The following AP3S2 variants were observed in gnomAD, a reference collection of about 807,000 sequenced individuals.
AP3S2 encodes the protein adaptor related protein complex 3 subunit sigma 2.
Under a neutral mutation model 23.4 loss-of-function variants are expected in AP3S2, and 22 were observed. The ratio of observed to expected loss-of-function variants is 0.94; its 90% confidence interval spans 0.67 to 1.34. The LOEUF is 1.34. AP3S2 is among the 40% of genes most tolerant of loss of function. The probability of loss-of-function intolerance (pLI) is 0.00; values close to 1 mark genes in which losing one functional copy is unlikely to be tolerated. For missense variants in AP3S2, 241 were observed against 236.9 expected (o/e 1.02, Z -0.11); for synonymous variants, 86 against 87.1 (o/e 0.99, Z 0.07).
At chr15:89,861,622 G>C (rs1208626137) in intron 4 of AP3S2, among the ~76,000 whole-genome samples, 1 of 152,110 alleles carries the variant, frequency 6.6e-6, no homozygotes, top group African/African-American at 2.4e-5. Context: ...TATGAAATCA[G>C]ACCTTACTCC....
At position 89,893,863 on chromosome 15, in the gene AP3S2, A is replaced by G. The variant is rs1418947706; in HGVS notation, c.69+18T>C. On this transcript the variant is annotated intron_variant, in intron 1 of 5. Coordinates refer to ENST00000336418, the MANE Select transcript of AP3S2 (RefSeq NM_005829.5). The stretch of plus-strand genomic sequence containing the variant: ...GTGGGCGCCCTGAAGGGGCGTGGTG[A>G]AGCCGGGCCGCACTCACGAAACGCT... The G allele has an allele frequency of 3.2e-6, 5 of 1,551,582 alleles. No homozygotes were observed. Among genetic ancestry groups the G allele is most frequent in the Non-Finnish European group, 3.5e-6 (4 of 1,146,958 alleles).
chr15:89,882,969 C>T (rs921635649), intron 3 of AP3S2, among the ~76,000 whole-genome samples: 1 of 152,164 alleles, frequency 6.6e-6, no homozygotes, highest in Non-Finnish European at 1.5e-5. Context: ...GGACTACTGT[C>T]ATCTTTGCTT....
intron 4 of AP3S2, among the ~76,000 whole-genome samples, chr15:89,858,702 T>C (rs1895927068): frequency 6.6e-6 from 1 of 152,212 alleles, no homozygotes; most frequent in East Asian, 1.9e-4. Context: ...TACAATTCGT[T>C]TTATCTGCAA....
chr15:89,877,540 T>A (rs544079329), intron 3 of AP3S2: 23 of 586,970 alleles, frequency 3.9e-5, no homozygotes, highest in South Asian at 3.5e-4. Flanking sequence ...TCCATGTTCA[T>A]ATCTCTATTT....
chr15:89,885,996 T>C (rs1291572880), intron 3 of AP3S2, among the ~76,000 whole-genome samples: 1 of 151,876 alleles, frequency 6.6e-6, no homozygotes, highest in Non-Finnish European at 1.5e-5. Flanking sequence ...ATTTTACTTA[T>C]CTGATCTTAC....
intron 3 of AP3S2, among the ~76,000 whole-genome samples, chr15:89,886,970 A>G (rs943975156): frequency 5.3e-5 from 8 of 151,930 alleles, no homozygotes; most frequent in African/African-American, 1.5e-4. Context: ...AATTTTTTGT[A>G]TTTTTAGTAG....
rs368179950 is a variant in AP3S2, at chr15:89,833,702, C to T, written c.*1813G>A. 13 of 152,376 alleles carry T rather than the reference C, an allele frequency of 8.5e-5. 1 individual carries two copies. The highest frequency in any genetic ancestry group is 3.1e-4 in the African/African-American group (13 of 41,590). 9.4% of individuals were successfully genotyped at this position (152,376 alleles called of 1,614,324 possible). On this transcript the variant is annotated 3_prime_UTR_variant, in exon 6 of 6. Transcript: ENST00000336418. ...AGGGGTTTTGATATCTATTCACCTA[C>T]ACTTCCCTCTTCCACAGGAAGCGGC...
intron 3 of AP3S2, among the ~76,000 whole-genome samples, chr15:89,884,638 G>A (rs535891321): frequency 3.1e-4 from 46 of 150,584 alleles, no homozygotes; most frequent in Middle Eastern, 3.5e-3. Flanking sequence ...AATATTTGAC[G>A]AACATCTTCC....
chr15:89,888,462 C>T, intron 3 of AP3S2, 59 bp downstream of exon 3: 6 of 1,558,050 alleles, frequency 3.9e-6, no homozygotes, highest in Non-Finnish European at 5.3e-6. Context: ...AGGCTGGTTA[C>T]TCAAAAATCC....
chr15:89,868,987 G>C (rs1896244285), intron 4 of AP3S2, among the ~76,000 whole-genome samples: 1 of 148,992 alleles, frequency 6.7e-6, no homozygotes, highest in Non-Finnish European at 1.5e-5. Context: ...CCCCGTCCGG[G>C]AGGTGAGGGG....
At chr15:89,849,926 T>C (rs577965031) in intron 4 of AP3S2, among the ~76,000 whole-genome samples, 14 of 152,082 alleles carry the variant, frequency 9.2e-5, no homozygotes, top group Non-Finnish European at 1.5e-4. Context: ...AAACATGTCG[T>C]GTTTGGTTTT....
chr15:89,884,900 G>A (rs1041515967), intron 3 of AP3S2, among the ~76,000 whole-genome samples: 2 of 151,950 alleles, frequency 1.3e-5, no homozygotes, highest in African/African-American at 2.4e-5. Context: ...CTCCTGCCTC[G>A]GCCCCCAAAG....
Position 89,888,557 on chromosome 15 carries a change from G to A in AP3S2, c.237C>T (p.Ser79=), listed in dbSNP as rs759706901. 1.2e-6 allele frequency: 2 copies of A among 1,614,066 alleles called. No homozygotes were observed. The highest frequency in any genetic ancestry group is 2.2e-5 in the East Asian group (1 of 44,904). ...CCAAGATTCCAAGTTCACTCTCTGA[G>A]GAATCCACACAAAATACAAAGTAGA... ...ATLYFVFCVD[S]SESELGILDL... The change falls in exon 3 of 6, where the codon TCC becomes TCT. Residue 79 remains serine (S), a synonymous_variant. Coordinates refer to ENST00000336418, the MANE Select transcript of AP3S2 (RefSeq NM_005829.5).
rs558835687 is a variant in AP3S2 at position 89,834,033 on chromosome 15, T to G, written c.*1482A>C. The G allele has an allele frequency of 2.0e-5, 3 of 152,394 alleles. No homozygotes were observed. The East Asian group carries it at 5.8e-4, about 29-fold the overall frequency. 9.4% of individuals were successfully genotyped at this position (152,394 alleles called of 1,614,324 possible). A position where few individuals can be genotyped will look rare whatever the true frequency, so the allele number is the denominator to read the frequency against. ...CTGAGATCTAGCCCATGCGACAGTATGGAAGCAGGAGGCCCTACTCCACCA... is the reference window on the plus strand; with the variant it reads ...CTGAGATCTAGCCCATGCGACAGTAGGGAAGCAGGAGGCCCTACTCCACCA... On this transcript the variant is annotated 3_prime_UTR_variant, in exon 6 of 6. Transcript: ENST00000336418.
intron 4 of AP3S2, among the ~76,000 whole-genome samples, chr15:89,844,249 TTCTTTC>T: frequency 2.0e-5 from 1 of 50,228 alleles, no homozygotes; most frequent in South Asian, 7.6e-4. Flanking sequence ...CTTTCTTTCT[TTCTTTC>T]TTTCTTTCTT....
At chr15:89,852,820 C>T (rs1895691342) in intron 4 of AP3S2, among the ~76,000 whole-genome samples, 2 of 152,208 alleles carry the variant, frequency 1.3e-5, no homozygotes, top group Non-Finnish European at 2.9e-5. Context: ...TCCACCTGCT[C>T]GCCCTTTACA....
chr15:89,875,999 A>G (rs1369915851), intron 3 of AP3S2, among the ~76,000 whole-genome samples: 1 of 152,190 alleles, frequency 6.6e-6, no homozygotes, highest in Non-Finnish European at 1.5e-5. Flanking sequence ...ACACAAAGAA[A>G]GCCATCAAGA....
At chr15:89,875,146 G>A (rs1053165473) in intron 3 of AP3S2, among the ~76,000 whole-genome samples, 2 of 152,346 alleles carry the variant, frequency 1.3e-5, no homozygotes, top group Non-Finnish European at 1.5e-5. Context: ...GCTAAAAGCG[G>A]CACGTGGAGG....
intron 3 of AP3S2, among the ~76,000 whole-genome samples, chr15:89,872,044 T>C (rs1395714585): frequency 2.0e-5 from 3 of 151,324 alleles, no homozygotes; most frequent in African/African-American, 7.3e-5. Flanking sequence ...TGAGAATCAT[T>C]TGAGGTGGAG....
Sources: gnomAD v4.1 joint callset for allele counts (sites outside exome capture counted in the v4.1 genomes callset) on GRCh38, gnomAD v4.1.1 for gene constraint, MANE v1.5 for transcripts, NCBI Gene and HGNC (gene_info 2026-07-23, HGNC 2026-07-21) for gene names.